The following CTNNA2 variants were observed in gnomAD, a reference collection of about 807,000 sequenced individuals.
CTNNA2 encodes catenin alpha-2.
A neutral mutation model predicts 101.0 loss-of-function variants in CTNNA2; 42 were observed. That is an observed-to-expected ratio of 0.42 (90% confidence interval 0.32 to 0.54). The LOEUF is 0.54. Ranked by LOEUF, CTNNA2 falls within the 20% of genes least tolerant of loss-of-function variation. The pLI is 0.14. For missense variants in CTNNA2, 871 were observed against 1,223.1 expected, an observed-to-expected ratio of 0.71 and a Z score of 4.29; for synonymous variants, 450 against 456.4, an observed-to-expected ratio of 0.99 and a Z score of 0.18.
At chr2:79,433,052 C>A (rs1167642150) in intron 4 of CTNNA2, among the ~76,000 whole-genome samples, 1 of 152,174 alleles carries the variant, frequency 6.6e-6, no homozygotes, top group East Asian at 1.9e-4. Flanking sequence ...AAGCCGATGC[C>A]AGCATGTGGT....
At chr2:80,366,514 T>C (rs1157279694) in intron 7 of CTNNA2, among the ~76,000 whole-genome samples, 1 of 152,162 alleles carries the variant, frequency 6.6e-6, no homozygotes, top group African/African-American at 2.4e-5. Flanking sequence ...CCTGGTGTCC[T>C]ACAGATCATC....
chr2:80,634,794 G>C (rs892256874), intron 18 of CTNNA2, among the ~76,000 whole-genome samples: 1 of 152,126 alleles, frequency 6.6e-6, no homozygotes, highest in Non-Finnish European at 1.5e-5. Context: ...ATTGCTGACA[G>C]GACATGATGG....
intron 7 of CTNNA2, among the ~76,000 whole-genome samples, chr2:80,026,437 T>G (rs1694930127): frequency 6.6e-6 from 1 of 152,202 alleles, no homozygotes; most frequent in African/African-American, 2.4e-5. Context: ...ACTTAACCTT[T>G]CAGTCTTGTG....
intron 2 of CTNNA2, among the ~76,000 whole-genome samples, chr2:79,277,461 G>A (rs903930419): frequency 2.6e-5 from 4 of 151,952 alleles, no homozygotes; most frequent in Admixed American, 6.6e-5. Flanking sequence ...TGCAGCCTGG[G>A]GGCAAGACAG....
chr2:79,872,336 C>G (rs1182346813), intron 5 of CTNNA2, among the ~76,000 whole-genome samples: 23 of 151,964 alleles, frequency 1.5e-4, no homozygotes, highest in Admixed American at 1.4e-3. Flanking sequence ...GAGAGATTTT[C>G]ACAACCCGCA....
At chr2:79,714,581 A>G (rs1685950907) in intron 2 of CTNNA2, among the ~76,000 whole-genome samples, 1 of 151,982 alleles carries the variant, frequency 6.6e-6, no homozygotes, top group Non-Finnish European at 1.5e-5. Context: ...TCAATGCCCA[A>G]TCTTTCACCC....
At chr2:79,944,000 C>A (rs749635328) in intron 7 of CTNNA2, among the ~76,000 whole-genome samples, 3 of 152,078 alleles carry the variant, frequency 2.0e-5, no homozygotes, top group Non-Finnish European at 4.4e-5. Context: ...AATTAATATG[C>A]CAATTTTTCT....
intron 2 of CTNNA2, among the ~76,000 whole-genome samples, chr2:79,739,017 A>C (rs1417869806): frequency 6.6e-6 from 1 of 151,278 alleles, no homozygotes; most frequent in Non-Finnish European, 1.5e-5. Flanking sequence ...CTCCATCTTT[A>C]CATATGTCAA....
At chr2:80,153,485 C>T (rs1056613232) in intron 7 of CTNNA2, among the ~76,000 whole-genome samples, 3 of 152,162 alleles carry the variant, frequency 2.0e-5, no homozygotes, top group African/African-American at 4.8e-5. Flanking sequence ...TTATGCCAGG[C>T]GTTGGCCTCG....
At chr2:79,209,636 T>C (rs773580507) in intron 2 of CTNNA2, among the ~76,000 whole-genome samples, 2 of 152,200 alleles carry the variant, frequency 1.3e-5, no homozygotes, top group Non-Finnish European at 2.9e-5. Context: ...GGACCAGAAA[T>C]ACTTTCCTGT....
At chr2:80,318,345 C>A (rs1185263444) in intron 7 of CTNNA2, among the ~76,000 whole-genome samples, 3 of 152,100 alleles carry the variant, frequency 2.0e-5, no homozygotes, top group Non-Finnish European at 4.4e-5. Context: ...CCCTCCTCCC[C>A]TGTTTTCCTT....
chr2:79,694,716 CAGTT>C (rs1293350695), intron 2 of CTNNA2, among the ~76,000 whole-genome samples: 1 of 151,804 alleles, frequency 6.6e-6, no homozygotes, highest in Admixed American at 6.6e-5. Context: ...TCTGCTGTGT[CAGTT>C]AGTTACTGTT....
At chr2:80,254,282 C>T (rs761369297) in intron 7 of CTNNA2, among the ~76,000 whole-genome samples, 26 of 152,098 alleles carry the variant, frequency 1.7e-4, no homozygotes, top group Non-Finnish European at 3.5e-4. Flanking sequence ...TTATAAGCCC[C>T]TATAACACCT....
intron 2 of CTNNA2, among the ~76,000 whole-genome samples, chr2:79,723,158 C>T (rs1686596092): frequency 7.7e-6 from 1 of 130,496 alleles, no homozygotes; most frequent in African/African-American, 3.4e-5. Flanking sequence ...CTTTCCTACC[C>T]CCTATAGACC....
rs73938505 is a variant in CTNNA2 at position 80,562,941 on chromosome 2, G to A, written c.1741+7048G>A. Reference sequence around the variant, plus strand: ...TAACGTGAAGGTGGAGATAGGGTACGGTAAACATAGGAAGATTCACAACTG... The same window carrying A: ...TAACGTGAAGGTGGAGATAGGGTACAGTAAACATAGGAAGATTCACAACTG... On this transcript the variant is annotated intron_variant, in intron 12 of 18. Coordinates refer to ENST00000402739, the MANE Select transcript of CTNNA2 (RefSeq NM_001282597.3). Among the ~76,000 whole-genome samples, 1,428 of 151,806 alleles carry A rather than the reference G, an allele frequency of 9.4e-3. 21 individuals are homozygous for A. The highest frequency in any genetic ancestry group is 0.03 in the African/African-American group (1,221 of 41,300).
At chr2:80,549,469 C>T (rs191147475) in intron 11 of CTNNA2, among the ~76,000 whole-genome samples, 2 of 151,940 alleles carry the variant, frequency 1.3e-5, no homozygotes, top group East Asian at 3.9e-4. Flanking sequence ...TTTTTCATAA[C>T]AAAATTATAT....
In CTNNA2 at chr2:79,358,386, G is replaced by T. The variant is rs537036769; in HGVS notation, c.-317-15445G>T. Among the ~76,000 whole-genome samples, 352 of 152,202 alleles carry T rather than the reference G, an allele frequency of 2.3e-3. 2 individuals carry two copies. Among genetic ancestry groups the T allele is most frequent in the Admixed American group, 8.1e-3 (124 of 15,274 alleles). On this transcript the variant is annotated intron_variant, in intron 3 of 21. Coordinates refer to the CTNNA2 transcript ENST00000466387. ...GGCTAATTCTTGTATTTTTAGTAGA[G>T]ATGGGGTTTCACCATGTTGGCCAGG...
chr2:80,364,006 C>G (rs1311358287), intron 7 of CTNNA2, among the ~76,000 whole-genome samples: 1 of 152,080 alleles, frequency 6.6e-6, no homozygotes, highest in African/African-American at 2.4e-5. Context: ...AAATGTGGTT[C>G]CTAGCGTTTA....
At chr2:80,164,960 A>G (rs1173305099) in intron 7 of CTNNA2, among the ~76,000 whole-genome samples, 2 of 81,416 alleles carry the variant, frequency 2.5e-5, no homozygotes, top group Admixed American at 1.2e-4. Flanking sequence ...TTTTTTTTCT[A>G]GATAAGACTT....
Sources: allele counts gnomAD v4.1 joint callset (sites outside exome capture counted in the v4.1 genomes callset), GRCh38; gene constraint gnomAD v4.1.1; transcripts MANE v1.5; gene names NCBI Gene and HGNC (gene_info 2026-07-23, HGNC 2026-07-21).